CDH18: variants seen among roughly 807,000 people sequenced by gnomAD.
CDH18 encodes cadherin-18.
In CDH18, 31 loss-of-function variants were observed where a neutral mutation model predicts 67.9. The ratio of observed to expected loss-of-function variants is 0.46; its 90% CI spans 0.34 to 0.62. The LOEUF is 0.62. Ranked by LOEUF, CDH18 falls within the 20% of genes least tolerant of loss-of-function variation. CDH18 has a pLI of 0.01. For missense variants in CDH18, 890 were observed against 975.5 expected, an observed-to-expected ratio of 0.91 and a Z score of 1.17; for synonymous variants, 362 against 347.2, an observed-to-expected ratio of 1.04 and a Z score of -0.48.
chr5:19,969,622 C>T (rs1797826950), intron 2 of CDH18, among the ~76,000 whole-genome samples: 1 of 149,592 alleles, frequency 6.7e-6, no homozygotes, highest in Non-Finnish European at 1.5e-5. Context: ...CATGTTCTCA[C>T]TCATAGGTGG....
intron 1 of CDH18, among the ~76,000 whole-genome samples, chr5:20,365,639 TATTA>T (rs1371906633): frequency 4.6e-5 from 7 of 152,204 alleles, no homozygotes; most frequent in Non-Finnish European, 7.3e-5. Flanking sequence ...TAAATATTCC[TATTA>T]ATTAAGTGAA....
intron 1 of CDH18, among the ~76,000 whole-genome samples, chr5:20,539,284 A>T (rs890970086): frequency 4.6e-5 from 7 of 152,164 alleles, no homozygotes; most frequent in Non-Finnish European, 8.8e-5. Flanking sequence ...ATTTGAAACA[A>T]ATCATCGTCT....
At chr5:20,569,779 T>A (rs1252907436) in intron 1 of CDH18, among the ~76,000 whole-genome samples, 2 of 152,218 alleles carry the variant, frequency 1.3e-5, no homozygotes, top group African/African-American at 4.8e-5. Flanking sequence ...GTAACCAAGA[T>A]GACCTTCAGT....
At chr5:20,072,189 C>G (rs976081878) in intron 2 of CDH18, among the ~76,000 whole-genome samples, 1 of 152,008 alleles carries the variant, frequency 6.6e-6, no homozygotes, top group Non-Finnish European at 1.5e-5. Flanking sequence ...GAAAACTACA[C>G]AGTAACTAAA....
intron 2 of CDH18, among the ~76,000 whole-genome samples, chr5:19,864,538 A>AAAAAAAC (rs113013534): frequency 1.3e-5 from 2 of 151,472 alleles, no homozygotes; most frequent in Non-Finnish European, 2.9e-5. Context: ...TAATAATTTA[A>AAAAAAAC]AAAAACAACA....
At chr5:19,688,054 T>C (rs1233074745) in intron 5 of CDH18, among the ~76,000 whole-genome samples, 1 of 152,132 alleles carries the variant, frequency 6.6e-6, no homozygotes, top group Admixed American at 6.5e-5. Context: ...AGGATGGCCC[T>C]ACCCAGCTTA....
chr5:19,610,338 A>G (rs944718148), intron 6 of CDH18, among the ~76,000 whole-genome samples: 5 of 152,064 alleles, frequency 3.3e-5, no homozygotes, highest in African/African-American at 1.2e-4. Flanking sequence ...TTATTGATCA[A>G]CATAATAAAA....
intron 5 of CDH18, among the ~76,000 whole-genome samples, chr5:19,620,006 A>T (rs1297508963): frequency 1.3e-5 from 2 of 152,182 alleles, no homozygotes; most frequent in Non-Finnish European, 2.9e-5. Context: ...AAAGAAAAAT[A>T]TATAAGAAAT....
At position 20,266,571 on chromosome 5, in the gene CDH18, A is replaced by ATTTTTT. The variant is rs34718835; in HGVS notation, c.-579-11072_-579-11067dup. Among the ~76,000 whole-genome samples the ATTTTTT allele has an allele frequency of 2.3e-3, 134 of 59,188 alleles. 1 individual carries two copies. The highest frequency in any genetic ancestry group is 4.2e-3 in the East Asian group (8 of 1,894). The allele number at this position is 59,188 out of a possible 152,430, so 38.8% of individuals were successfully genotyped here. ...GGCACGTGCCGGCACGCCCGGCTGA[A>ATTTTTT]TTTTTTTTTTTTTTTTTTTTTTTTT... On this transcript the variant is annotated intron_variant, in intron 1 of 14. Transcript: ENST00000507958.
At chr5:20,099,996 G>A (rs1228837858) in intron 2 of CDH18, among the ~76,000 whole-genome samples, 1 of 152,020 alleles carries the variant, frequency 6.6e-6, no homozygotes, top group Non-Finnish European at 1.5e-5. Flanking sequence ...ATGTTGGCCA[G>A]GTTGGTCTCC....
chr5:19,812,558 T>C (rs151166273), intron 3 of CDH18, among the ~76,000 whole-genome samples: 56 of 151,986 alleles, frequency 3.7e-4, no homozygotes, highest in African/African-American at 1.2e-3. Context: ...ACCAAACAGA[T>C]AGAAACTCCA....
chr5:19,962,515 T>G (rs1253124687), intron 2 of CDH18, among the ~76,000 whole-genome samples: 1 of 151,984 alleles, frequency 6.6e-6, no homozygotes, highest in Non-Finnish European at 1.5e-5. Flanking sequence ...GGCTCATGCC[T>G]GTAATCCTAG....
chr5:20,161,970 A>C (rs2126614137), intron 2 of CDH18, among the ~76,000 whole-genome samples: 1 of 151,918 alleles, frequency 6.6e-6, no homozygotes, highest in African/African-American at 2.4e-5. Flanking sequence ...CTAGCTCTTC[A>C]TTTTGAGGCA....
intron 2 of CDH18, among the ~76,000 whole-genome samples, chr5:20,108,414 A>G (rs1343722008): frequency 2.0e-5 from 3 of 152,070 alleles, no homozygotes; most frequent in African/African-American, 4.8e-5. Context: ...TAAAGGCCCT[A>G]TCTCCAAACA....
intron 5 of CDH18, among the ~76,000 whole-genome samples, chr5:19,622,418 G>T (rs1188095719): frequency 6.6e-6 from 1 of 152,166 alleles, no homozygotes; most frequent in Non-Finnish European, 1.5e-5. Flanking sequence ...CTACCATTTA[G>T]AGAAAATGAT....
intron 1 of CDH18, among the ~76,000 whole-genome samples, chr5:20,335,562 A>T (rs1304270401): frequency 6.6e-6 from 1 of 152,064 alleles, no homozygotes; most frequent in Non-Finnish European, 1.5e-5. Context: ...TCACTATCCT[A>T]TTACTCTATA....
At chr5:19,941,314 G>A (rs566158697) in intron 2 of CDH18, among the ~76,000 whole-genome samples, 2 of 152,164 alleles carry the variant, frequency 1.3e-5, no homozygotes, top group South Asian at 2.1e-4. Context: ...TTCTGTGTTC[G>A]TAAGCCACTC....
At chr5:20,235,919 A>G (rs1216791743) in intron 2 of CDH18, among the ~76,000 whole-genome samples, 1 of 152,204 alleles carries the variant, frequency 6.6e-6, no homozygotes, top group Admixed American at 6.5e-5. Context: ...CTACACAGAC[A>G]TAAAAAGAAC....
intron 2 of CDH18, among the ~76,000 whole-genome samples, chr5:19,945,352 C>T (rs1438170921): frequency 6.6e-6 from 1 of 152,020 alleles, no homozygotes; most frequent in African/African-American, 2.4e-5. Flanking sequence ...TTCTAGCACA[C>T]AAAAGAAGGC....
Sources: allele counts gnomAD v4.1 joint callset (sites outside exome capture counted in the v4.1 genomes callset), GRCh38; gene constraint gnomAD v4.1.1; transcripts MANE v1.5; gene names NCBI Gene and HGNC (gene_info 2026-07-23, HGNC 2026-07-21).